Variants in MAPK15 observed in about 807,000 individuals in gnomAD.
MAPK15 encodes the protein mitogen-activated protein kinase 15.
A neutral mutation model predicts 60.8 loss-of-function variants in MAPK15; 61 were observed. That is an observed-to-expected ratio of 1.00 (90% confidence interval 0.82 to 1.24). MAPK15 has a LOEUF of 1.24. MAPK15 is among the 50% of genes most tolerant of loss of function. The pLI is 0.00. For synonymous variants in MAPK15, 356 were observed against 319.9 expected (o/e 1.11, Z -1.21); for missense variants, 808 against 741.1 (o/e 1.09, Z -1.05).
At chr8:143,719,559 C>T in intron 7 of MAPK15, 77 bp downstream of exon 7, 1 of 1,520,940 alleles carries the variant, frequency 6.6e-7, no homozygotes, top group Admixed American at 2.1e-5. Context: ...CAGCAGCTGA[C>T]AGGCTAGGAC....
Position 143,720,434 on chromosome 8 carries a change from G to C in MAPK15, c.779+147G>C, listed in dbSNP as rs1355141535. 8 of 1,447,500 alleles carry C rather than the reference G, an allele frequency of 5.5e-6. No homozygotes were observed. The highest frequency in any genetic ancestry group is 6.4e-6 in the Non-Finnish European group (7 of 1,097,176). The allele number at this position is 1,447,500 out of a possible 1,614,324, so 89.7% of individuals were successfully genotyped here. A position where few individuals can be genotyped will look rare whatever the true frequency, so the allele number is the denominator to read the frequency against. The stretch of plus-strand genomic sequence containing the variant: ...GCAGTCCCAAACCCAACAACTGTTG[G>C]CCACACTGAAAGCAGGAGCCCCTCT... On this transcript the variant is annotated intron_variant, in intron 8 of 13. Transcript: ENST00000338033. This position sits in a 1 kb window ranked among gnomAD's most constrained non-coding sequence, Gnocchi z 4.6.
Position 143,719,369 on chromosome 8 carries a change from G to T in MAPK15, c.608G>T (p.Ser203Ile), listed in dbSNP as rs376558180. Residue 203 changes from serine to isoleucine, a missense_variant, in exon 7 of 14, where the codon AGT (serine) becomes ATT (isoleucine). Transcript: ENST00000338033. ...TACACCCTTGGGGTGGACATGTGGA[G>T]TCTGGGCTGTATCCTGGGGGAGATG... ...HRYTLGVDMW[S>I]LGCILGEMLR... 6.8e-6 allele frequency: 11 copies of T among 1,610,868 alleles called. No individual in the cohort carries two copies. The highest frequency in any genetic ancestry group is 8.5e-6 in the Non-Finnish European group (10 of 1,178,440).
At chr8:143,721,462 TG>T in intron 11 of MAPK15, 51 bp downstream of exon 11, 1 of 1,610,130 alleles carries the variant, frequency 6.2e-7, no homozygotes, top group African/African-American at 1.3e-5. Flanking sequence ...GGGCCCCTTC[TG>T]CCTGTGCTGC....
intron 4 of MAPK15, 46 bp from the exon 5 acceptor site, chr8:143,718,709 TCCCACTCCCCCCAGGTTGCC>T: frequency 3.4e-6 from 4 of 1,176,366 alleles, no homozygotes; most frequent in Non-Finnish European, 2.4e-6. Context: ...GGTGCCCCTC[TCCCACTCCCCCCAGGTTGCC>T]CCCCCAGCCC....
Position 143,720,882 on chromosome 8 carries a change from G to C in MAPK15, c.917+42G>C. On this transcript the variant is annotated intron_variant, in intron 9 of 13. Transcript: ENST00000338033. This position sits in a 1 kb window ranked among gnomAD's most constrained non-coding sequence, Gnocchi z 4.6. ...GTCCCCCAAGTGCGGGGGGACAGAGGTGGGGGCAGGAGAGAGCCAGCCCAT... is the reference window on the plus strand; with the variant it reads ...GTCCCCCAAGTGCGGGGGGACAGAGCTGGGGGCAGGAGAGAGCCAGCCCAT... 1 of 1,601,092 alleles carries C rather than the reference G, an allele frequency of 6.2e-7. No homozygotes were observed. The highest frequency in any genetic ancestry group is 8.5e-7 in the Non-Finnish European group (1 of 1,175,090).
At chr8:143,717,657 G>C in intron 1 of MAPK15, 37 bp from the exon 2 acceptor site, 1 of 1,531,058 alleles carries the variant, frequency 6.5e-7, no homozygotes, top group African/African-American at 1.4e-5. Flanking sequence ...GGGATGGGGG[G>C]AAGGGGCTGG....
At chr8:143,718,727 G>GGGGGC in intron 4 of MAPK15, 48 bp from the exon 5 acceptor site, 2 of 514,512 alleles carry the variant, frequency 3.9e-6, no homozygotes, top group Non-Finnish European at 6.3e-6. Flanking sequence ...CCCCCAGGTT[G>GGGGGC]CCCCCCCAGC....
rs781961337 is a variant in MAPK15, at chr8:143,721,587, T to G, written c.1243T>G (p.Ser415Ala). ...AGCCAAGAACGTTCCCAGGCAGAAC[T>G]CCGCTCCCCTGCTCCAAACTGCTCT... is the stretch of plus-strand genomic sequence containing the variant. Reference protein sequence around the residue: ...RAAKNVPRQNSAPLLQTALLG... With the variant: ...RAAKNVPRQNAAPLLQTALLG... The change falls in exon 12 of 14, where the codon TCC becomes GCC. Residue 415 changes from serine to alanine, a missense_variant. Physicochemically the swap from Ser to Ala is moderately conservative, Grantham distance 99. Transcript: ENST00000338033. The G allele has an allele frequency of 6.8e-6, 11 of 1,613,348 alleles. No individual in the cohort carries two copies. The South Asian group carries it at 1.2e-4, about 18-fold the overall frequency.
chr8:143,721,447 G>A (rs1818062819), intron 11 of MAPK15, 36 bp downstream of exon 11: 1 of 1,607,812 alleles, frequency 6.2e-7, no homozygotes, highest in African/African-American at 1.3e-5. Flanking sequence ...CGCGGAGCAC[G>A]GCCCGGGCCC....
intron 4 of MAPK15, 44 bp downstream of exon 4, chr8:143,718,346 G>C: frequency 3.8e-6 from 6 of 1,574,444 alleles, no homozygotes; most frequent in Non-Finnish European, 5.2e-6. Context: ...CCTCTGTTCT[G>C]TCCTGACGCC....
Position 143,722,319 on chromosome 8 carries a change from C to A in MAPK15, c.*68C>A. On this transcript the variant is annotated 3_prime_UTR_variant, in exon 14 of 14. Transcript: ENST00000338033. ...CCCCTTCCCCAGACCCCTCTCCAGT[C>A]TCCTGCACCCCTTAGCCCTCCCTGC... 7.2e-7 allele frequency: 1 copy of A among 1,383,496 alleles called. No individual in the cohort carries two copies. Among genetic ancestry groups the A allele is most frequent in the East Asian group, 2.4e-5 (1 of 41,804 alleles). The allele number at this position is 1,383,496 out of a possible 1,614,324, so 85.7% of individuals were successfully genotyped here. A position where few individuals can be genotyped will look rare whatever the true frequency, so the allele number is the denominator to read the frequency against.
rs139970630 is a variant in MAPK15, at chr8:143,720,244, G to A, written c.736G>A (p.Gly246Ser). The change falls in exon 8 of 14, where the codon GGC (glycine) becomes AGC (serine). Residue 246 changes from glycine to serine, a missense_variant. By Grantham distance (56) the Gly-to-Ser change is moderately conservative. Transcript: ENST00000338033. The surrounding 1 kb of genome is among the most constrained non-coding windows in gnomAD (Gnocchi z 4.6). ...TGCTGCCCCAGACCTCCTGGCTCTC[G>A]GCTCAGGCTGCCGTGCCTCTGTGCT... ...PPSEEDLLAL[G>S]SGCRASVLHQ... 43 of 1,583,990 alleles carry A rather than the reference G, an allele frequency of 2.7e-5. No individual in the cohort carries two copies. The highest frequency in any genetic ancestry group is 5.8e-5 in the South Asian group (5 of 86,604).
At chr8:143,718,959 A>G (rs372948385) in intron 5 of MAPK15, 34 bp from the exon 6 acceptor site, 271 of 1,596,928 alleles carry the variant, frequency 1.7e-4, no homozygotes, top group Non-Finnish European at 2.1e-4. Flanking sequence ...GGCCCCACCC[A>G]GCCCCGGGGC....
intron 4 of MAPK15, 21 bp downstream of exon 4, chr8:143,718,323 C>T (rs374574606): frequency 2.9e-5 from 47 of 1,607,188 alleles, no homozygotes; most frequent in South Asian, 2.2e-4. Flanking sequence ...CCCCGGCCAG[C>T]GCCCCAGCCC....
rs782250538 is a variant in MAPK15 at position 143,721,011 on chromosome 8, C to T, written c.929C>T (p.Pro310Leu). 73 of 1,610,436 alleles carry T rather than the reference C, an allele frequency of 4.5e-5. No homozygotes were observed. Among genetic ancestry groups the T allele is most frequent in the Middle Eastern group, 3.3e-4 (2 of 6,004 alleles). ...QHPYVQRFHC[P>L]SDEWAREADV... is the part of the protein sequence containing the mutation. ...CTGGCTCCCTGCAGGTTCCACTGCC[C>T]CAGCGACGAGTGGGCACGAGAGGCA... Residue 310 changes from proline (P) to leucine (L), a missense_variant, in exon 10 of 14, where the codon CCC becomes CTC. Pro to Leu is a moderately conservative substitution (Grantham distance 98). Coordinates refer to ENST00000338033, the MANE Select transcript of MAPK15 (RefSeq NM_139021.3).
rs141770552 is a variant in MAPK15 at position 143,717,742 on chromosome 8, G to A, written c.115G>A (p.Val39Met). The change falls in exon 2 of 14, where the codon GTG becomes ATG. Residue 39 changes from valine (V) to methionine (M), a missense_variant. By Grantham distance (21) the Val-to-Met change is conservative (BLOSUM62 1). Coordinates refer to ENST00000338033, the MANE Select transcript of MAPK15 (RefSeq NM_139021.3). The part of the protein sequence containing the change: ...KAVDRRTGEV[V>M]AIKKIFDAFR... ...AGTGGACCGGAGGACTGGTGAGGTCGTGGCCATCAAGAAAATCTTTGATGC... is the reference window on the plus strand; with the variant it reads ...AGTGGACCGGAGGACTGGTGAGGTCATGGCCATCAAGAAAATCTTTGATGC... 163 of 1,612,310 alleles carry A rather than the reference G, an allele frequency of 1.0e-4. No homozygotes were observed. In the African/African-American group the frequency reaches 1.2e-3, roughly 12 times the overall value.
At position 143,721,096 on chromosome 8, in the gene MAPK15, C is replaced by T. The variant is rs372047725; in HGVS notation, c.1014C>T (p.Arg338=). 2.2e-5 allele frequency: 35 copies of T among 1,610,726 alleles called. No individual in the cohort carries two copies. The highest frequency in any genetic ancestry group is 2.6e-5 in the Non-Finnish European group (31 of 1,178,730). ...TCTCTGTGCCTGAGTACCGCAGCCG[C>T]GTCTATCAGGTGCTCCGGCTCTCGA... is the stretch of plus-strand genomic sequence containing the variant. The part of the protein sequence containing the change: ...VQLSVPEYRS[R]VYQMILECGG... Residue 338 remains arginine, a synonymous_variant, in exon 10 of 14, where the codon CGC becomes CGT. Coordinates refer to ENST00000338033, the MANE Select transcript of MAPK15 (RefSeq NM_139021.3).
intron 6 of MAPK15, 23 bp downstream of exon 6, chr8:143,719,179 C>G: frequency 7.3e-7 from 1 of 1,362,852 alleles, no homozygotes; most frequent in South Asian, 1.3e-5. Flanking sequence ...CATCCCCAAC[C>G]CCCCCTCCAC....
chr8:143,719,286 C>T, intron 6 of MAPK15, 57 bp from the exon 7 acceptor site: 10 of 1,546,414 alleles, frequency 6.5e-6, no homozygotes, highest in Non-Finnish European at 8.7e-6. Context: ...CCCCCAGCAA[C>T]CCCACCCCCA....
Sources: gnomAD v4.1 joint callset for allele counts on GRCh38, gnomAD v4.1.1 for gene constraint, Gnocchi (gnomAD v3.1) non-coding constraint, MANE v1.5 for transcripts, NCBI Gene and HGNC (gene_info 2026-07-23, HGNC 2026-07-21) for gene names.